Variants in ZFP64 observed in about 807,000 individuals in gnomAD.
ZFP64 encodes ZFP64 zinc finger protein.
ZFP64 carries 14 observed loss-of-function variants against 51.6 expected under a neutral mutation model. That is an observed-to-expected ratio of 0.27 (90% CI 0.18 to 0.42). The LOEUF is 0.42. Among genes scored for constraint, ZFP64 ranks in the 10% least tolerant of loss-of-function variants. The pLI, the probability that ZFP64 is intolerant of heterozygous loss-of-function variation, is 1.00. For synonymous variants in ZFP64, 375 were observed against 361.4 expected (o/e 1.04, Z -0.43); for missense variants, 754 against 906.8 (o/e 0.83, Z 2.16).
chr20:52,099,071 G>A (rs565262043), intron 5 of ZFP64, among the ~76,000 whole-genome samples: 27 of 150,846 alleles, frequency 1.8e-4, no homozygotes, highest in Admixed American at 1.1e-3. Flanking sequence ...CCCTTACTAC[G>A]GTTTCCAAGA....
intron 7 of ZFP64, chr20:52,089,045 C>A (rs973341): frequency 3.8e-6 from 2 of 519,492 alleles, no homozygotes; most frequent in Admixed American, 3.9e-5. Context: ...GGCATCTCCC[C>A]CTAGGCTGTT....
chr20:52,175,770 G>C (rs1293370747), intron 2 of ZFP64, among the ~76,000 whole-genome samples: 2 of 152,158 alleles, frequency 1.3e-5, no homozygotes, highest in African/African-American at 4.8e-5. Context: ...CTTGAACCCA[G>C]GAGGCAGAGG....
At chr20:52,168,687 G>A (rs562600061) in intron 2 of ZFP64, among the ~76,000 whole-genome samples, 4 of 152,212 alleles carry the variant, frequency 2.6e-5, no homozygotes, top group East Asian at 1.9e-4. Flanking sequence ...TTGCAAGAAC[G>A]TGCAACTGCA....
intron 5 of ZFP64, among the ~76,000 whole-genome samples, chr20:52,103,162 C>T (rs1245765968): frequency 3.9e-5 from 6 of 152,142 alleles, no homozygotes; most frequent in African/African-American, 1.4e-4. Flanking sequence ...CTATTAGAAA[C>T]CAGGTTAGCA....
At chr20:52,170,017 C>T (rs1982591115) in intron 2 of ZFP64, among the ~76,000 whole-genome samples, 1 of 151,378 alleles carries the variant, frequency 6.6e-6, no homozygotes. Context: ...CATGCCATTG[C>T]ACTCCAGCCT....
At position 52,160,040 on chromosome 20, in the gene ZFP64, T is replaced by C. The variant is rs146147818; in HGVS notation, c.763+83A>G. The C allele has an allele frequency of 7.6e-5, 120 of 1,584,158 alleles. No homozygotes were observed. In the African/African-American group the frequency reaches 1.3e-3, roughly 17 times the overall value. ...AAAGGTTCCAACTCGATTTCTTACA[T>C]TGTGGCTGAATGCTTTAAGGTGCTT... is the stretch of plus-strand genomic sequence containing the variant. On this transcript the variant is annotated intron_variant, in intron 5 of 5. Transcript: ENST00000216923. The surrounding 1 kb of genome is among the most constrained non-coding windows in gnomAD (Gnocchi z 4.2).
At chr20:52,164,057 A>T (rs6021768) in intron 4 of ZFP64, among the ~76,000 whole-genome samples, 39,902 of 152,042 alleles carry the variant, frequency 0.26, 5,422 homozygotes, top group Admixed American at 0.31. Flanking sequence ...ACACCTGTAA[A>T]CCTAGCACTT....
intron 5 of ZFP64, among the ~76,000 whole-genome samples, chr20:52,138,906 T>C (rs960857188): frequency 1.3e-5 from 2 of 152,130 alleles, no homozygotes; most frequent in African/African-American, 2.4e-5. Flanking sequence ...TAAGAAGACA[T>C]ACAAGCAGCC....
At chr20:52,125,261 C>A (rs776506279) in intron 5 of ZFP64, among the ~76,000 whole-genome samples, 7 of 152,094 alleles carry the variant, frequency 4.6e-5, no homozygotes, top group Non-Finnish European at 8.8e-5. Flanking sequence ...TCAATGAAAC[C>A]AGGGTGGGAA....
At chr20:52,174,491 A>G (rs1983020310) in intron 2 of ZFP64, among the ~76,000 whole-genome samples, 1 of 151,468 alleles carries the variant, frequency 6.6e-6, no homozygotes. Flanking sequence ...TCAAAAAAAA[A>G]AAAAAAAAAA....
At chr20:52,104,868 G>A in intron 5 of ZFP64, 2 of 665,580 alleles carry the variant, frequency 3.0e-6, no homozygotes, top group Non-Finnish European at 2.8e-6. Context: ...TCCTTCCAGC[G>A]TGTTTGGGAG....
intron 5 of ZFP64, among the ~76,000 whole-genome samples, chr20:52,099,425 T>C (rs542712243): frequency 1.8e-3 from 277 of 152,222 alleles, no homozygotes; most frequent in African/African-American, 6.6e-3. Flanking sequence ...GATAAAACAG[T>C]TGTTTCAACA....
At chr20:52,133,656 T>TA (rs1488479048) in intron 5 of ZFP64, among the ~76,000 whole-genome samples, 1 of 152,138 alleles carries the variant, frequency 6.6e-6, no homozygotes, top group African/African-American at 2.4e-5. Context: ...CCAAAGAACA[T>TA]ACGACCTGGC....
chr20:52,115,518 G>C (rs1978819199), intron 5 of ZFP64, among the ~76,000 whole-genome samples: 1 of 150,724 alleles, frequency 6.6e-6, no homozygotes, highest in African/African-American at 2.4e-5. Flanking sequence ...AGGCTCCAGT[G>C]ATCCTTAAGC....
At chr20:52,120,007 T>C (rs1979099611) in intron 5 of ZFP64, among the ~76,000 whole-genome samples, 1 of 152,152 alleles carries the variant, frequency 6.6e-6, no homozygotes, top group Admixed American at 6.6e-5. Context: ...CATGATGGTA[T>C]TAAGAACACG....
rs116660255 is a variant in ZFP64, at chr20:52,167,341, T to C, written c.287-1316A>G. Among the ~76,000 whole-genome samples the C allele has an allele frequency of 3.3e-3, 505 of 151,796 alleles. 2 individuals carry two copies. The highest frequency in any genetic ancestry group is 0.012 in the African/African-American group (476 of 41,382). On this transcript the variant is annotated intron_variant, in intron 2 of 5. Transcript: ENST00000216923. ...ACTCTGTCTCAAAAAAAATAAAAAA[T>C]AAATAAAAATAAGTAAATAATAAAT... is the stretch of plus-strand genomic sequence containing the variant.
Position 52,104,787 on chromosome 20 carries a change from C to T in ZFP64, c.764-6200G>A, listed in dbSNP as rs1457224526. The T allele has an allele frequency of 8.6e-6, 5 of 579,508 alleles. No homozygotes were observed. The East Asian group carries it at 2.1e-4, about 25-fold the overall frequency. 35.9% of individuals were successfully genotyped at this position (579,508 alleles called of 1,614,324 possible). A position where few individuals can be genotyped will look rare whatever the true frequency, so the allele number is the denominator to read the frequency against. Reference sequence around the variant, plus strand: ...ACCTTCCAGGCGCGCAGCCGAAGCCCAGTGCCAAGGAGGCCGGAGACTCGG... The same window carrying T: ...ACCTTCCAGGCGCGCAGCCGAAGCCTAGTGCCAAGGAGGCCGGAGACTCGG... On this transcript the variant is annotated intron_variant, in intron 5 of 8. Transcript: ENST00000361387.
chr20:52,107,940 C>T (rs1410985963), intron 5 of ZFP64, among the ~76,000 whole-genome samples: 2 of 152,180 alleles, frequency 1.3e-5, no homozygotes, highest in African/African-American at 2.4e-5. Flanking sequence ...TAAGAAATAA[C>T]GTAGGTCAGT....
intron 5 of ZFP64, chr20:52,104,611 C>T (rs2079090469): frequency 2.2e-6 from 1 of 447,946 alleles, no homozygotes; most frequent in Non-Finnish European, 4.6e-6. Context: ...TGGGTCCCTG[C>T]GCTTCTGTTC....
Sources: allele counts gnomAD v4.1 joint callset (sites outside exome capture counted in the v4.1 genomes callset), GRCh38; gene constraint gnomAD v4.1.1; non-coding constraint Gnocchi (gnomAD v3.1); transcripts MANE v1.5; gene names NCBI Gene and HGNC (gene_info 2026-07-23, HGNC 2026-07-21).